The following CASP10 variants were observed in gnomAD, a reference collection of about 807,000 sequenced individuals.
CASP10 encodes caspase 10, also known as caspase-10.
A neutral mutation model predicts 48.5 loss-of-function variants in CASP10; 41 were observed. That is an observed-to-expected ratio of 0.85 (90% confidence interval 0.66 to 1.10). CASP10 has a LOEUF of 1.10. Ranked by LOEUF, CASP10 falls within the 50% of genes least tolerant of loss-of-function variation. The pLI is 0.00. For missense variants in CASP10, 614 were observed against 614.5 expected, an observed-to-expected ratio of 1.00 and a Z score of 0.01; for synonymous variants, 232 against 238.4, an observed-to-expected ratio of 0.97 and a Z score of 0.25.
intron 2 of CASP10, among the ~76,000 whole-genome samples, chr2:201,186,966 G>A (rs1259759525): frequency 6.6e-6 from 1 of 152,202 alleles, no homozygotes; most frequent in Non-Finnish European, 1.5e-5. Context: ...GGGATTATAG[G>A]TGTGAGCCAC....
chr2:201,212,059 C>T (rs1020648365), intron 9 of CASP10, among the ~76,000 whole-genome samples: 1 of 152,174 alleles, frequency 6.6e-6, no homozygotes, highest in African/African-American at 2.4e-5. Context: ...AGCAATTCTT[C>T]TGCCTCAGTC....
intron 1 of CASP10, among the ~76,000 whole-genome samples, 186 bp downstream of exon 1, chr2:201,183,494 A>G (rs1944301978): frequency 6.6e-6 from 1 of 152,166 alleles, no homozygotes; most frequent in African/African-American, 2.4e-5. Context: ...ATAGCCTTTT[A>G]CCGGGGCAGA....
At chr2:201,214,083 A>G (rs1945491128) in intron 9 of CASP10, 1 of 152,054 alleles carries the variant, frequency 6.6e-6, no homozygotes, top group Non-Finnish European at 1.5e-5. Context: ...ATCACATGAG[A>G]TTGTTGGATC....
chr2:201,204,884 G>A (rs182203954), intron 6 of CASP10, among the ~76,000 whole-genome samples: 38 of 152,304 alleles, frequency 2.5e-4, no homozygotes, highest in Non-Finnish European at 4.1e-4. Flanking sequence ...CCACTGAAGC[G>A]TGGATCCCTT....
rs896690882 is a variant in CASP10, at chr2:201,220,868, A to G, written c.*3127A>G. 34 of 985,360 alleles carry G rather than the reference A, an allele frequency of 3.5e-5. No homozygotes were observed. In the South Asian group the frequency reaches 5.2e-4, roughly 15 times the overall value. The allele number at this position is 985,360 out of a possible 1,614,324, so 61.0% of individuals were successfully genotyped here. A position where few individuals can be genotyped will look rare whatever the true frequency, so the allele number is the denominator to read the frequency against. On this transcript the variant is annotated 3_prime_UTR_variant, in exon 10 of 10. Coordinates refer to ENST00000286186, the MANE Select transcript of CASP10 (RefSeq NM_032977.4). ...AGTGAAGGATGGTGAGATACTGAGGAAAGAGCAAAGGATCTGGAGATCAAA... is the reference window on the plus strand; with the variant it reads ...AGTGAAGGATGGTGAGATACTGAGGGAAGAGCAAAGGATCTGGAGATCAAA...
intron 8 of CASP10, 108 bp downstream of exon 8, chr2:201,208,291 A>G: frequency 1.4e-6 from 2 of 1,453,876 alleles, no homozygotes; most frequent in Non-Finnish European, 1.8e-6. Flanking sequence ...ACGTGTAAGG[A>G]TGATATCATG....
At chr2:201,205,813 G>A (rs576030013) in intron 6 of CASP10, 69 bp from the exon 7 acceptor site, 18 of 983,066 alleles carry the variant, frequency 1.8e-5, no homozygotes, top group Admixed American at 5.2e-5. Context: ...AATTAGATGC[G>A]AAAATTATCA....
chr2:201,201,156 T>C (rs1275160362), intron 5 of CASP10, among the ~76,000 whole-genome samples: 6 of 152,052 alleles, frequency 3.9e-5, no homozygotes, highest in Non-Finnish European at 7.4e-5. Flanking sequence ...TTCAAATGAT[T>C]CTCATGCCTC....
intron 3 of CASP10, among the ~76,000 whole-genome samples, chr2:201,191,510 G>A (rs1037560082): frequency 6.6e-6 from 1 of 152,196 alleles, no homozygotes; most frequent in Non-Finnish European, 1.5e-5. Flanking sequence ...CTTTGGAAGT[G>A]TGTAAAGGAC....
Position 201,219,697 on chromosome 2 carries a change from T to C in CASP10, c.*1956T>C. On this transcript the variant is annotated 3_prime_UTR_variant, in exon 10 of 10. Coordinates refer to ENST00000286186, the MANE Select transcript of CASP10 (RefSeq NM_032977.4). ...CATTAAGATTTTGAGCATTTTTACG[T>C]ACTTGAGCTTTTTTTTTTTTTTTTT... 1.0e-6 allele frequency: 1 copy of C among 982,592 alleles called. No homozygotes were observed. Among genetic ancestry groups the C allele is most frequent in the Non-Finnish European group, 1.2e-6 (1 of 828,588 alleles). The allele number at this position is 982,592 out of a possible 1,614,324, so 60.9% of individuals were successfully genotyped here.
chr2:201,223,166 G>T (rs917285233), downstream of CASP10, among the ~76,000 whole-genome samples: 1 of 152,222 alleles, frequency 6.6e-6, no homozygotes. Context: ...CCTGCCTACA[G>T]AAAGGGATGA....
intron 4 of CASP10, among the ~76,000 whole-genome samples, chr2:201,195,116 G>A (rs1944745781): frequency 6.6e-6 from 1 of 151,532 alleles, no homozygotes; most frequent in African/African-American, 2.4e-5. Flanking sequence ...ATTTGAGCTG[G>A]AGTCTTGCTC....
In CASP10 at chr2:201,221,101, C is replaced by G; in HGVS notation, c.*3360C>G. 1.0e-6 allele frequency: 1 copy of G among 985,452 alleles called. No homozygotes were observed. 61.0% of individuals were successfully genotyped at this position (985,452 alleles called of 1,614,324 possible). On this transcript the variant is annotated 3_prime_UTR_variant, in exon 10 of 10. Coordinates refer to ENST00000286186, the MANE Select transcript of CASP10 (RefSeq NM_032977.4). Reference sequence around the variant, plus strand: ...AGGTGGTAGGGTCTTCCGGTTGTAACTGCAACAGAAATAGCAGGACTTAAG... The same window carrying G: ...AGGTGGTAGGGTCTTCCGGTTGTAAGTGCAACAGAAATAGCAGGACTTAAG...
chr2:201,189,290 A>C (rs1944526091), intron 3 of CASP10, among the ~76,000 whole-genome samples: 1 of 136,546 alleles, frequency 7.3e-6, no homozygotes, highest in African/African-American at 2.8e-5. Flanking sequence ...TTTTTTTGAG[A>C]CGGTGTCTCA....
chr2:201,196,168 AGCTAGTTAGTTTGAGTTCTC>A (rs1273758585), intron 5 of CASP10, among the ~76,000 whole-genome samples: 2 of 152,186 alleles, frequency 1.3e-5, no homozygotes, highest in Non-Finnish European at 2.9e-5. Context: ...GACTAGTGAG[AGCTAGTTAGTTTGAGTTCTC>A]GCTAGTTAGT....
At position 201,208,950 on chromosome 2, in the gene CASP10, T is replaced by C. The variant is rs1037116327; in HGVS notation, c.923-120T>C. ...GCTTCGGCCTTCCAAAGTGCTGAGA[T>C]TATAGGTGTGAGCCACTGTGCCCGG... On this transcript the variant is annotated intron_variant, in intron 8 of 9. Transcript: ENST00000286186. 25 of 1,098,176 alleles carry C rather than the reference T, an allele frequency of 2.3e-5. No individual in the cohort carries two copies. The African/African-American group carries it at 3.5e-4, about 15-fold the overall frequency. 68.0% of individuals were successfully genotyped at this position (1,098,176 alleles called of 1,614,324 possible).
At position 201,186,068 on chromosome 2, in the gene CASP10, T is replaced by C; in HGVS notation, c.291T>C (p.Cys97=). 1.2e-6 allele frequency: 2 copies of C among 1,612,600 alleles called. No individual in the cohort carries two copies. The highest frequency in any genetic ancestry group is 1.7e-6 in the Non-Finnish European group (2 of 1,180,010). ...RQKKLLQHLN[C]TKEEVERLLP... is the part of the protein sequence containing the mutation. ...AGAAGCTGCTGCAGCACCTCAACTG[T>C]ACCAAAGAGGAAGTGGAGCGACTGC... is the stretch of plus-strand genomic sequence containing the variant. The change falls in exon 2 of 10, where the codon TGT becomes TGC. Residue 97 remains cysteine (C), a synonymous_variant. Transcript: ENST00000286186.
downstream of CASP10, among the ~76,000 whole-genome samples, chr2:201,226,223 G>A (rs2126068860): frequency 6.6e-6 from 1 of 152,180 alleles, no homozygotes; most frequent in Non-Finnish European, 1.5e-5. Flanking sequence ...CATTCTCTTT[G>A]GTCATCAGAG....
chr2:201,225,768 TCAAGAC>T (rs1167270638), downstream of CASP10, among the ~76,000 whole-genome samples: 2 of 152,148 alleles, frequency 1.3e-5, no homozygotes, highest in African/African-American at 4.8e-5. Context: ...GGTCAGGAGT[TCAAGAC>T]CAGCCTGGCC....
Sources: allele counts gnomAD v4.1 joint callset (sites outside exome capture counted in the v4.1 genomes callset), GRCh38; gene constraint gnomAD v4.1.1; transcripts MANE v1.5; gene names NCBI Gene and HGNC (gene_info 2026-07-23, HGNC 2026-07-21).